The following ASAP1 variants were observed in gnomAD, a reference collection of about 807,000 sequenced individuals.
ASAP1 encodes arf-GAP with SH3 domain, ANK repeat and PH domain-containing protein 1.
In ASAP1, 43 loss-of-function variants were observed where a neutral mutation model predicts 145.2. The observed-to-expected ratio is 0.30, with a 90% CI of 0.23 to 0.38. The LOEUF (loss-of-function observed/expected upper bound fraction) is 0.38. Ranked by LOEUF, ASAP1 falls within the 10% of genes least tolerant of loss-of-function variation. The pLI, the probability that ASAP1 is intolerant of heterozygous loss-of-function variation, is 1.00. For synonymous variants in ASAP1, 546 were observed against 515.5 expected, an observed-to-expected ratio of 1.06 and a Z score of -0.80; for missense variants, 1,018 against 1,355.3, an observed-to-expected ratio of 0.75 and a Z score of 3.91.
chr8:130,349,659 C>A (rs1462790398), intron 3 of ASAP1, among the ~76,000 whole-genome samples: 1 of 152,160 alleles, frequency 6.6e-6, no homozygotes, highest in Admixed American at 6.5e-5. Flanking sequence ...GAGAGCAGTC[C>A]TACCTATCTA....
intron 24 of ASAP1, among the ~76,000 whole-genome samples, chr8:130,101,851 G>A (rs2097529446): frequency 6.7e-6 from 1 of 150,326 alleles, no homozygotes; most frequent in Admixed American, 6.7e-5. Flanking sequence ...GGGATTACAG[G>A]CATGAAGCAT....
rs546948533 is a variant in ASAP1, at chr8:130,082,493, C to T, written c.2573-2522G>A. 6.3e-4 allele frequency among the ~76,000 whole-genome samples: 93 copies of T among 146,800 alleles called. 1 individual carries two copies. The highest frequency in any genetic ancestry group is 2.2e-3 in the African/African-American group (89 of 40,692). ...TTAGGATTACAGGTGTGAGCCACCA[C>T]ACGTGGCCTTTTTTTTTTTTTTTTT... On this transcript the variant is annotated intron_variant, in intron 25 of 29. Transcript: ENST00000518721.
intron 3 of ASAP1, among the ~76,000 whole-genome samples, chr8:130,310,975 C>T (rs1261846158): frequency 6.6e-6 from 1 of 152,214 alleles, no homozygotes; most frequent in Non-Finnish European, 1.5e-5. Flanking sequence ...CAGTGTTTCT[C>T]TGATGAAGCT....
intron 16 of ASAP1, among the ~76,000 whole-genome samples, chr8:130,127,574 G>A (rs1459663951): frequency 6.6e-6 from 1 of 152,070 alleles, no homozygotes; most frequent in African/African-American, 2.4e-5. Flanking sequence ...AATACTAAAG[G>A]GACTCAGTGT....
intron 3 of ASAP1, among the ~76,000 whole-genome samples, chr8:130,271,260 C>T (rs1049413078): frequency 6.6e-6 from 1 of 152,286 alleles, no homozygotes; most frequent in Admixed American, 6.5e-5. Context: ...TGCTTCAGCA[C>T]GTGTCATGTT....
intron 28 of ASAP1, among the ~76,000 whole-genome samples, chr8:130,058,526 T>C (rs1364592899): frequency 6.6e-6 from 1 of 152,106 alleles, no homozygotes; most frequent in Non-Finnish European, 1.5e-5. Context: ...AATTTGTCAG[T>C]CCCCTCATGC....
chr8:130,068,221 T>C (rs1202175727), intron 27 of ASAP1, among the ~76,000 whole-genome samples: 1 of 152,196 alleles, frequency 6.6e-6, no homozygotes, highest in Non-Finnish European at 1.5e-5. Context: ...TATTGTTGTC[T>C]ATAATGGCTA....
intron 1 of ASAP1, among the ~76,000 whole-genome samples, chr8:130,413,573 T>C (rs2138656025): frequency 6.6e-6 from 1 of 152,324 alleles, no homozygotes; most frequent in Middle Eastern, 3.4e-3. Flanking sequence ...TCAAATCTCA[T>C]CAAGATAAAG....
rs1387664860 is a variant in ASAP1, at chr8:130,052,246, A to G, written c.*2485T>C. ...GTACTGATGTTTGATGGTAACATCC[A>G]GATGAGAATTCGGCATTTAACTAGT... On this transcript the variant is annotated 3_prime_UTR_variant, in exon 30 of 30. Transcript: ENST00000518721. 3.3e-5 allele frequency: 5 copies of G among 152,718 alleles called. No homozygotes were observed. The highest frequency in any genetic ancestry group is 1.5e-5 in the Non-Finnish European group (1 of 68,058). The allele number at this position is 152,718 out of a possible 1,614,324, so 9.5% of individuals were successfully genotyped here.
intron 3 of ASAP1, among the ~76,000 whole-genome samples, chr8:130,333,445 T>C (rs1824825200): frequency 6.6e-6 from 1 of 152,014 alleles, no homozygotes; most frequent in Non-Finnish European, 1.5e-5. Context: ...CTACTAAAAA[T>C]ATAAAAAAAT....
At chr8:130,311,219 G>A (rs1364447564) in intron 3 of ASAP1, among the ~76,000 whole-genome samples, 1 of 152,168 alleles carries the variant, frequency 6.6e-6, no homozygotes, top group African/African-American at 2.4e-5. Flanking sequence ...GGAATCATGG[G>A]TCATTTTAAA....
At chr8:130,156,665 C>T (rs1191520036) in intron 12 of ASAP1, among the ~76,000 whole-genome samples, 1 of 152,074 alleles carries the variant, frequency 6.6e-6, no homozygotes, top group Non-Finnish European at 1.5e-5. Context: ...GGGGAGATAC[C>T]CTGGCATTAA....
chr8:130,171,035 A>C (rs1181278721), intron 9 of ASAP1, among the ~76,000 whole-genome samples: 1 of 152,160 alleles, frequency 6.6e-6, no homozygotes, highest in Non-Finnish European at 1.5e-5. Context: ...ATTTTCTAGC[A>C]TTTGGGTTTT....
chr8:130,209,597 T>G (rs1816451292), intron 5 of ASAP1, among the ~76,000 whole-genome samples: 1 of 151,840 alleles, frequency 6.6e-6, no homozygotes, highest in Non-Finnish European at 1.5e-5. Context: ...ATACCCATAA[T>G]GAAAAAGTAA....
chr8:130,258,244 A>G (rs889810620), intron 3 of ASAP1, among the ~76,000 whole-genome samples: 3 of 152,186 alleles, frequency 2.0e-5, no homozygotes, highest in Admixed American at 6.5e-5. Flanking sequence ...ATCGTCAACC[A>G]GCCCATCCCC....
intron 2 of ASAP1, among the ~76,000 whole-genome samples, chr8:130,373,111 TACACACACACACACAC>T (rs367719682): frequency 1.1e-5 from 1 of 94,108 alleles, no homozygotes; most frequent in Admixed American, 9.7e-5. Flanking sequence ...GAAATACATA[TACACACACACACACAC>T]ACACACACAC....
At chr8:130,211,997 G>A (rs554118875) in intron 5 of ASAP1, among the ~76,000 whole-genome samples, 24 of 152,330 alleles carry the variant, frequency 1.6e-4, no homozygotes, top group Admixed American at 1.2e-3. Context: ...GGTGCTGCAC[G>A]AAGATCCAGA....
In ASAP1 at chr8:130,188,957, T is replaced by C. The variant is rs868482805; in HGVS notation, c.406-774A>G. ...GGGCTTTTCTCATTTCCTTTTCACA[T>C]TTTTTTATAGCATGTATCATTATCT... On this transcript the variant is annotated intron_variant, in intron 5 of 29. Coordinates refer to ENST00000518721, the MANE Select transcript of ASAP1 (RefSeq NM_018482.4). 1.3e-3 allele frequency among the ~76,000 whole-genome samples: 199 copies of C among 152,224 alleles called. 2 individuals carry two copies. The highest frequency in any genetic ancestry group is 3.5e-3 in the African/African-American group (146 of 41,550).
At chr8:130,184,803 C>T (rs1439988464) in intron 7 of ASAP1, among the ~76,000 whole-genome samples, 1 of 152,166 alleles carries the variant, frequency 6.6e-6, no homozygotes, top group Non-Finnish European at 1.5e-5. Context: ...TGTGTGACTT[C>T]CCTATGCTAA....
Sources: allele counts gnomAD v4.1 joint callset (sites outside exome capture counted in the v4.1 genomes callset), GRCh38; gene constraint gnomAD v4.1.1; transcripts MANE v1.5; gene names NCBI Gene and HGNC (gene_info 2026-07-23, HGNC 2026-07-21).